The following TYR variants were observed in gnomAD, a reference collection of about 807,000 sequenced individuals.
TYR encodes tyrosinase.
A neutral mutation model predicts 51.5 loss-of-function variants in TYR; 58 were observed. The observed-to-expected ratio is 1.13, with a 90% CI of 0.91 to 1.40. TYR has a LOEUF of 1.40. Ranked by LOEUF, TYR falls within the 40% of genes most tolerant of loss-of-function variation. The pLI, the probability that TYR is intolerant of heterozygous loss-of-function variation, is 0.00. For missense variants in TYR, 732 were observed against 647.4 expected (o/e 1.13, Z -1.42); for synonymous variants, 263 against 235.2 (o/e 1.12, Z -1.08).
intron 3 of TYR, among the ~76,000 whole-genome samples, chr11:89,268,899 G>A (rs1944556768): frequency 6.6e-6 from 1 of 151,812 alleles, no homozygotes. Context: ...CGCATTCTAT[G>A]TGATACCTTT....
intron 2 of TYR, among the ~76,000 whole-genome samples, chr11:89,195,694 A>T (rs565080180): frequency 2.4e-4 from 37 of 151,938 alleles, no homozygotes; most frequent in Middle Eastern, 3.4e-3. Flanking sequence ...AAATAAATAA[A>T]AATAAAATAA....
intron 3 of TYR, among the ~76,000 whole-genome samples, chr11:89,269,937 G>A (rs566771880): frequency 1.3e-5 from 2 of 152,004 alleles, no homozygotes; most frequent in African/African-American, 2.4e-5. Context: ...CTCAGTAAAA[G>A]TAGGCTGTCT....
chr11:89,208,832 T>C (rs1488501841), intron 2 of TYR, among the ~76,000 whole-genome samples: 1 of 152,252 alleles, frequency 6.6e-6, no homozygotes, highest in Non-Finnish European at 1.5e-5. Flanking sequence ...TGCTTATTTT[T>C]GTTGCTTACT....
At chr11:89,209,790 T>C (rs1277482576) in intron 2 of TYR, among the ~76,000 whole-genome samples, 1 of 152,078 alleles carries the variant, frequency 6.6e-6, no homozygotes, top group Non-Finnish European at 1.5e-5. Flanking sequence ...TATTTGCTGT[T>C]CTGCAGGCTC....
intron 3 of TYR, among the ~76,000 whole-genome samples, chr11:89,242,358 CCACCACG>C (rs1282479317): frequency 4.1e-5 from 6 of 146,446 alleles, no homozygotes; most frequent in African/African-American, 1.6e-4. Flanking sequence ...CAGGCACCCA[CCACCACG>C]CCCAGCTAAT....
At chr11:89,241,619 A>C (rs893400262) in intron 3 of TYR, among the ~76,000 whole-genome samples, 17 of 151,716 alleles carry the variant, frequency 1.1e-4, no homozygotes, top group Non-Finnish European at 5.9e-5. Flanking sequence ...AGTTAACAAA[A>C]ACCTCAAAAG....
intron 1 of TYR, among the ~76,000 whole-genome samples, chr11:89,188,822 T>C (rs371065836): frequency 5.9e-5 from 9 of 151,756 alleles, no homozygotes; most frequent in South Asian, 2.1e-4. Flanking sequence ...ATAAGAGTGA[T>C]TGGTGAGTTT....
At chr11:89,265,428 C>A (rs557337522) in intron 3 of TYR, among the ~76,000 whole-genome samples, 1 of 152,156 alleles carries the variant, frequency 6.6e-6, no homozygotes, top group South Asian at 2.1e-4. Flanking sequence ...CTTCATAGCT[C>A]CTATTACCCT....
At chr11:89,291,235 G>GA (rs1944849925) in intron 4 of TYR, among the ~76,000 whole-genome samples, 1 of 151,896 alleles carries the variant, frequency 6.6e-6, no homozygotes, top group South Asian at 2.1e-4. Flanking sequence ...CACTGTACCA[G>GA]ATTCTAGAAT....
rs1414190254 is a variant in TYR at position 89,259,208 on chromosome 11, A to G, written c.1185-25565A>G. Among the ~76,000 whole-genome samples the G allele has an allele frequency of 4.6e-5, 7 of 152,100 alleles. No homozygotes were observed. The East Asian group carries it at 1.4e-3, about 29-fold the overall frequency. ...GCTAAAAATGAATTCTAAGAACACG[A>G]TGACTATAGCACTCTCCTAATCTCT... On this transcript the variant is annotated intron_variant, in intron 3 of 4. Coordinates refer to ENST00000263321, the MANE Select transcript of TYR (RefSeq NM_000372.5).
At chr11:89,294,940 G>A (rs780638693) in intron 4 of TYR, among the ~76,000 whole-genome samples, 1 of 152,062 alleles carries the variant, frequency 6.6e-6, no homozygotes, top group Non-Finnish European at 1.5e-5. Flanking sequence ...AACAAGAGGG[G>A]TATTATTTTC....
At chr11:89,254,869 T>C (rs1944371400) in intron 3 of TYR, among the ~76,000 whole-genome samples, 1 of 151,612 alleles carries the variant, frequency 6.6e-6, no homozygotes, top group Non-Finnish European at 1.5e-5. Context: ...TTTGGGTTTG[T>C]TTTGTTCTTG....
At chr11:89,290,854 T>C (rs1944845889) in intron 4 of TYR, among the ~76,000 whole-genome samples, 1 of 152,004 alleles carries the variant, frequency 6.6e-6, no homozygotes. Flanking sequence ...TCTGTGTATG[T>C]TCTACATATA....
At chr11:89,192,130 C>G (rs1943454177) in intron 2 of TYR, 1 of 310,934 alleles carries the variant, frequency 3.2e-6, no homozygotes. Context: ...GAGATTACAT[C>G]TCATGATCTT....
At chr11:89,260,035 C>T (rs1052170158) in intron 3 of TYR, among the ~76,000 whole-genome samples, 1 of 151,910 alleles carries the variant, frequency 6.6e-6, no homozygotes, top group Non-Finnish European at 1.5e-5. Flanking sequence ...TCTCTGATAA[C>T]AAAAGTTATT....
At chr11:89,187,081 C>A (rs1010899073) in intron 1 of TYR, among the ~76,000 whole-genome samples, 1 of 152,146 alleles carries the variant, frequency 6.6e-6, no homozygotes, top group Non-Finnish European at 1.5e-5. Flanking sequence ...AATCTACCCA[C>A]CTACTCAAAC....
intron 2 of TYR, among the ~76,000 whole-genome samples, chr11:89,202,163 T>C (rs1385086934): frequency 6.6e-6 from 1 of 152,110 alleles, no homozygotes; most frequent in African/African-American, 2.4e-5. Context: ...AACCTTATTA[T>C]CAATACAAAG....
Position 89,178,785 on chromosome 11 carries a change from A to G in TYR, c.819+13A>G. On this transcript the variant is annotated intron_variant, in intron 1 of 4. Coordinates refer to ENST00000263321, the MANE Select transcript of TYR (RefSeq NM_000372.5). The stretch of plus-strand genomic sequence containing the variant: ...CTCCTCTTGGCAGGTAAGATATGCT[A>G]GATATACGATGTCAGAGTAGGGAGG... The G allele has an allele frequency of 6.2e-7, 1 of 1,613,450 alleles. No homozygotes were observed. The highest frequency in any genetic ancestry group is 8.5e-7 in the Non-Finnish European group (1 of 1,179,556).
chr11:89,226,301 C>T (rs952632130), intron 2 of TYR, among the ~76,000 whole-genome samples: 11 of 152,122 alleles, frequency 7.2e-5, no homozygotes, highest in African/African-American at 1.2e-4. Flanking sequence ...TCTTTGTCCC[C>T]TCTAAGCCCT....
Sources: gnomAD v4.1 joint callset for allele counts (sites outside exome capture counted in the v4.1 genomes callset) on GRCh38, gnomAD v4.1.1 for gene constraint, MANE v1.5 for transcripts, NCBI Gene and HGNC (gene_info 2026-07-23, HGNC 2026-07-21) for gene names.